PRDM6: variants seen among roughly 807,000 people sequenced by gnomAD.
PRDM6 encodes putative histone-lysine N-methyltransferase PRDM6.
A neutral mutation model predicts 60.8 loss-of-function variants in PRDM6; 25 were observed. The ratio of observed to expected loss-of-function variants is 0.41; its 90% CI spans 0.30 to 0.57. The LOEUF (loss-of-function observed/expected upper bound fraction) is 0.57, where lower values mean the gene tolerates loss of function less well. Ranked by LOEUF, PRDM6 falls within the 20% of genes least tolerant of loss-of-function variation. PRDM6 has a pLI of 0.27. For synonymous variants in PRDM6, 407 were observed against 357.4 expected, an observed-to-expected ratio of 1.14 and a Z score of -1.57; for missense variants, 839 against 821.3, an observed-to-expected ratio of 1.02 and a Z score of -0.26.
Position 123,170,939 on chromosome 5 carries a change from T to G in PRDM6, c.1327T>G (p.Phe443Val). 6.4e-7 allele frequency: 1 copy of G among 1,551,990 alleles called. No individual in the cohort carries two copies. The highest frequency in any genetic ancestry group is 8.7e-7 in the Non-Finnish European group (1 of 1,147,054). The change falls in exon 6 of 8, where the codon TTT (phenylalanine) becomes GTT (valine). Residue 443 changes from phenylalanine to valine, a missense_variant. Phe to Val is a conservative substitution (Grantham distance 50). Transcript: ENST00000407847. ...LDKSGPIESG[F>V]NQINVKNQRV... Reference sequence around the variant, plus strand: ...TAAGTCTGGGCCCATTGAATCAGGATTTAATCAAATCAACGTGAAAAACCA... The same window carrying G: ...TAAGTCTGGGCCCATTGAATCAGGAGTTAATCAAATCAACGTGAAAAACCA...
chr5:123,103,355 CT>C (rs757010429), intron 3 of PRDM6, among the ~76,000 whole-genome samples: 3 of 151,956 alleles, frequency 2.0e-5, no homozygotes, highest in Non-Finnish European at 4.4e-5. Context: ...AATTCAGATA[CT>C]TTAAAACAAA....
At chr5:123,170,676 T>C in intron 5 of PRDM6, 90 bp from the exon 6 acceptor site, 1 of 931,562 alleles carries the variant, frequency 1.1e-6, no homozygotes, top group Non-Finnish European at 1.6e-6. Flanking sequence ...CTTAAAAGGT[T>C]GATTTATTTG....
intron 6 of PRDM6, among the ~76,000 whole-genome samples, chr5:123,174,682 G>C (rs184082614): frequency 2.7e-3 from 410 of 152,158 alleles, no homozygotes; most frequent in Admixed American, 4.1e-3. Flanking sequence ...TGATATAAAG[G>C]AAAGAAATCC....
chr5:123,111,417 G>A (rs906720825), intron 3 of PRDM6, among the ~76,000 whole-genome samples: 1 of 152,180 alleles, frequency 6.6e-6, no homozygotes, highest in East Asian at 1.9e-4. Flanking sequence ...ACAAAACGCC[G>A]GCAGGGCGCG....
At chr5:123,160,596 A>C (rs997742409) in intron 5 of PRDM6, among the ~76,000 whole-genome samples, 2 of 152,200 alleles carry the variant, frequency 1.3e-5, no homozygotes, top group Non-Finnish European at 2.9e-5. Context: ...TCACACAAAA[A>C]CTGCAATTTA....
chr5:123,115,851 C>T (rs1229203573), intron 3 of PRDM6, among the ~76,000 whole-genome samples: 1 of 152,094 alleles, frequency 6.6e-6, no homozygotes, highest in African/African-American at 2.4e-5. Flanking sequence ...CCTCCTTTCC[C>T]TGATCCCTCT....
At chr5:123,109,003 G>A (rs964620056) in intron 3 of PRDM6, among the ~76,000 whole-genome samples, 1 of 151,922 alleles carries the variant, frequency 6.6e-6, no homozygotes, top group Non-Finnish European at 1.5e-5. Context: ...GTATTCTCCT[G>A]GTGGAAAATT....
At chr5:123,165,554 T>C (rs1485733942) in intron 5 of PRDM6, among the ~76,000 whole-genome samples, 1 of 152,228 alleles carries the variant, frequency 6.6e-6, no homozygotes, top group Non-Finnish European at 1.5e-5. Flanking sequence ...CTTATTTTAT[T>C]GTTTCAGTTT....
intron 3 of PRDM6, among the ~76,000 whole-genome samples, chr5:123,146,032 C>T (rs182323366): frequency 6.6e-4 from 101 of 151,956 alleles, no homozygotes; most frequent in African/African-American, 2.2e-3. Flanking sequence ...TAGAAGTAGT[C>T]TGTCTATTTT....
intron 3 of PRDM6, among the ~76,000 whole-genome samples, chr5:123,111,930 A>G (rs1764325105): frequency 6.6e-6 from 1 of 152,082 alleles, no homozygotes; most frequent in Non-Finnish European, 1.5e-5. Context: ...TCCTGTGGAC[A>G]TTTCCAATCT....
At chr5:123,179,670 A>G (rs1739528448) in intron 6 of PRDM6, among the ~76,000 whole-genome samples, 2 of 151,534 alleles carry the variant, frequency 1.3e-5, no homozygotes, top group South Asian at 4.1e-4. Flanking sequence ...AGTTTTCTGA[A>G]CTAACAGAGA....
chr5:123,164,500 G>A (rs1765711382), intron 5 of PRDM6, among the ~76,000 whole-genome samples: 1 of 152,182 alleles, frequency 6.6e-6, no homozygotes, highest in Non-Finnish European at 1.5e-5. Context: ...CTACTTGCCA[G>A]CTATGGAAAC....
chr5:123,143,297 C>T (rs1387582331), intron 3 of PRDM6, among the ~76,000 whole-genome samples: 2 of 152,080 alleles, frequency 1.3e-5, no homozygotes, highest in African/African-American at 4.8e-5. Flanking sequence ...GTGTTTGTAG[C>T]CCTGCCTGAA....
chr5:123,127,687 CTTTT>C (rs1764723454), intron 3 of PRDM6, among the ~76,000 whole-genome samples: 1 of 151,330 alleles, frequency 6.6e-6, no homozygotes, highest in Admixed American at 6.6e-5. Flanking sequence ...TTCTTTCTTT[CTTTT>C]CTTTCTCTTT....
At chr5:123,155,815 C>T (rs1216470042) in intron 3 of PRDM6, 69 bp from the exon 4 acceptor site, 13 of 1,510,348 alleles carry the variant, frequency 8.6e-6, no homozygotes, top group Non-Finnish European at 1.2e-5. Flanking sequence ...ATAAAGACAC[C>T]AAGGGAAGTA....
intron 3 of PRDM6, among the ~76,000 whole-genome samples, chr5:123,112,280 G>T (rs957112995): frequency 6.6e-6 from 1 of 152,208 alleles, no homozygotes; most frequent in Non-Finnish European, 1.5e-5. Context: ...GCTCTTAGCA[G>T]TGCTGCATCC....
intron 2 of PRDM6, among the ~76,000 whole-genome samples, chr5:123,093,023 C>T (rs1763877831): frequency 6.6e-6 from 1 of 152,144 alleles, no homozygotes; most frequent in South Asian, 2.1e-4. Flanking sequence ...AGAAGCTTCT[C>T]CTCATTCTCG....
intron 3 of PRDM6, 114 bp from the exon 4 acceptor site, chr5:123,155,770 C>A: frequency 8.1e-7 from 1 of 1,228,048 alleles, no homozygotes; most frequent in Non-Finnish European, 1.1e-6. Flanking sequence ...TAAGCACTAG[C>A]AAACCTAAGG....
At chr5:123,144,653 C>T (rs770891564) in intron 3 of PRDM6, among the ~76,000 whole-genome samples, 3 of 152,162 alleles carry the variant, frequency 2.0e-5, no homozygotes, top group Non-Finnish European at 4.4e-5. Context: ...TGCTAGGCCT[C>T]TCCATTGGGT....
Sources: allele counts gnomAD v4.1 joint callset (sites outside exome capture counted in the v4.1 genomes callset), GRCh38; gene constraint gnomAD v4.1.1; transcripts MANE v1.5; gene names NCBI Gene and HGNC (gene_info 2026-07-23, HGNC 2026-07-21).